The following TMEM245 variants were observed in gnomAD, a reference collection of about 807,000 sequenced individuals.
TMEM245 encodes the protein protein CG-2.
Under a neutral mutation model 101.2 loss-of-function variants are expected in TMEM245, and 69 were observed. That is an observed-to-expected ratio of 0.68 (90% CI 0.56 to 0.83). TMEM245 has a LOEUF of 0.83. Ranked by LOEUF, TMEM245 falls within the 40% of genes least tolerant of loss-of-function variation. TMEM245 has a pLI of 0.00. For missense variants in TMEM245, 1,075 were observed against 1,092.8 expected (o/e 0.98, Z 0.23); for synonymous variants, 537 against 449.8 (o/e 1.19, Z -2.45).
At chr9:109,055,760 G>A (rs186663289) in intron 12 of TMEM245, among the ~76,000 whole-genome samples, 3 of 151,818 alleles carry the variant, frequency 2.0e-5, no homozygotes, top group East Asian at 1.9e-4. Context: ...TCAGCCTCCC[G>A]AGTATCTGGG....
intron 1 of TMEM245, among the ~76,000 whole-genome samples, chr9:109,114,075 C>T (rs1830642956): frequency 1.3e-5 from 2 of 151,800 alleles, no homozygotes; most frequent in Admixed American, 6.5e-5. Flanking sequence ...TAAATCCATC[C>T]CCAAAACAAA....
At chr9:109,091,564 C>T (rs1045362109) in intron 4 of TMEM245, among the ~76,000 whole-genome samples, 3 of 152,176 alleles carry the variant, frequency 2.0e-5, no homozygotes, top group East Asian at 1.9e-4. Context: ...TATTTATATA[C>T]ATTTCTGACA....
chr9:109,091,552 TG>T (rs1564201940), intron 4 of TMEM245, among the ~76,000 whole-genome samples: 3 of 152,228 alleles, frequency 2.0e-5, no homozygotes, highest in African/African-American at 7.2e-5. Context: ...TTAGATTAGG[TG>T]TATTTATATA....
rs138604970 is a variant in TMEM245, at chr9:109,061,285, C to T, written c.1624-833G>A. Among the ~76,000 whole-genome samples, 97 of 152,228 alleles carry T rather than the reference C, an allele frequency of 6.4e-4. 2 individuals are homozygous for T. Among genetic ancestry groups the T allele is most frequent in the African/African-American group, 2.3e-3 (95 of 41,532 alleles). ...GAGCCGTGATCACGCCAACATGCTC[C>T]AGCCTGAGTAACAGAGTAAGACCTG... On this transcript the variant is annotated intron_variant, in intron 10 of 17. Transcript: ENST00000374586.
chr9:109,111,208 G>A (rs1376250146), intron 1 of TMEM245, among the ~76,000 whole-genome samples: 1 of 152,074 alleles, frequency 6.6e-6, no homozygotes, highest in Admixed American at 6.5e-5. Flanking sequence ...GAAATACGTG[G>A]GAATTAGGAA....
At chr9:109,036,454 T>G (rs1828125505) in intron 15 of TMEM245, 74 bp from the exon 16 acceptor site, 5 of 1,363,610 alleles carry the variant, frequency 3.7e-6, no homozygotes, top group Non-Finnish European at 4.8e-6. Flanking sequence ...ATCTAAGCAG[T>G]AGCTCCTCCT....
At chr9:109,037,652 T>C (rs954604705) in intron 15 of TMEM245, among the ~76,000 whole-genome samples, 2 of 152,296 alleles carry the variant, frequency 1.3e-5, no homozygotes, top group Non-Finnish European at 2.9e-5. Flanking sequence ...ACCACTATTA[T>C]AAGTTTCCTG....
intron 15 of TMEM245, among the ~76,000 whole-genome samples, chr9:109,037,091 G>C (rs940606699): frequency 6.6e-6 from 1 of 152,134 alleles, no homozygotes; most frequent in Non-Finnish European, 1.5e-5. Flanking sequence ...AGGGAAAGGG[G>C]GGGATGTGGT....
intron 2 of TMEM245, 44 bp from the exon 3 acceptor site, chr9:109,106,653 T>C: frequency 1.4e-6 from 2 of 1,418,364 alleles, no homozygotes; most frequent in African/African-American, 2.8e-5. Flanking sequence ...AATAAAAACC[T>C]AGTACTTGTT....
chr9:109,091,917 G>A (rs1372315843), intron 4 of TMEM245, among the ~76,000 whole-genome samples: 1 of 152,036 alleles, frequency 6.6e-6, no homozygotes, highest in Non-Finnish European at 1.5e-5. Context: ...CCTAAAACTT[G>A]CATTTTGCCT....
intron 8 of TMEM245, among the ~76,000 whole-genome samples, chr9:109,078,595 A>C (rs950992576): frequency 6.6e-6 from 1 of 152,214 alleles, no homozygotes; most frequent in Non-Finnish European, 1.5e-5. Flanking sequence ...GCTGTTTATT[A>C]AGAGAATTAA....
At chr9:109,050,766 T>C in intron 12 of TMEM245, 74 bp from the exon 13 acceptor site, 2 of 1,558,112 alleles carry the variant, frequency 1.3e-6, no homozygotes, top group Non-Finnish European at 1.8e-6. Flanking sequence ...TAGTGTGCTT[T>C]TAATACAGTG....
chr9:109,074,374 A>G (rs975278402), intron 8 of TMEM245, among the ~76,000 whole-genome samples: 2 of 152,234 alleles, frequency 1.3e-5, no homozygotes, highest in African/African-American at 4.8e-5. Context: ...ATTCTGGAGC[A>G]CAACAGAGAG....
intron 9 of TMEM245, among the ~76,000 whole-genome samples, chr9:109,072,678 C>T (rs962521250): frequency 2.0e-5 from 3 of 152,184 alleles, no homozygotes; most frequent in African/African-American, 7.2e-5. Context: ...GTTCACCTAT[C>T]CTTCCTCAAA....
At chr9:109,069,831 G>C (rs965846693) in intron 9 of TMEM245, among the ~76,000 whole-genome samples, 1 of 152,122 alleles carries the variant, frequency 6.6e-6, no homozygotes, top group African/African-American at 2.4e-5. Flanking sequence ...GTCTATACCT[G>C]CTTTCTCTAG....
intron 11 of TMEM245, among the ~76,000 whole-genome samples, chr9:109,057,577 C>T (rs187746289): frequency 6.6e-6 from 1 of 152,052 alleles, no homozygotes; most frequent in Non-Finnish European, 1.5e-5. Flanking sequence ...ATGGTGAAAC[C>T]CCATCTCTAC....
chr9:109,097,565 T>C (rs149649586), intron 3 of TMEM245, among the ~76,000 whole-genome samples: 1,537 of 152,302 alleles, frequency 0.01, 11 homozygotes, highest in Non-Finnish European at 0.013. Flanking sequence ...AGTCTCCTCA[T>C]GTGTAAAAAT....
chr9:109,099,709 C>T (rs781178536), intron 3 of TMEM245, among the ~76,000 whole-genome samples: 4 of 152,190 alleles, frequency 2.6e-5, no homozygotes, highest in Admixed American at 6.5e-5. Context: ...TAGTGTACCT[C>T]TTTCCTCAGA....
At chr9:109,104,901 T>A (rs1256745291) in intron 3 of TMEM245, among the ~76,000 whole-genome samples, 3 of 152,234 alleles carry the variant, frequency 2.0e-5, no homozygotes, top group South Asian at 4.1e-4. Context: ...GATAAAAATA[T>A]AAAATTCTTA....
Sources: gnomAD v4.1 joint callset for allele counts (sites outside exome capture counted in the v4.1 genomes callset) on GRCh38, gnomAD v4.1.1 for gene constraint, MANE v1.5 for transcripts, NCBI Gene and HGNC (gene_info 2026-07-23, HGNC 2026-07-21) for gene names.